Variants in PLCXD2 observed in about 807,000 individuals in gnomAD.
PLCXD2 encodes PI-PLC X domain-containing protein 2.
Under a neutral mutation model 28.6 loss-of-function variants are expected in PLCXD2, and 21 were observed. The observed-to-expected ratio is 0.73, with a 90% CI of 0.52 to 1.06. PLCXD2 has a LOEUF of 1.06. Ranked by LOEUF, PLCXD2 falls within the 50% of genes least tolerant of loss-of-function variation. The probability of loss-of-function intolerance (pLI) is 0.00; values close to 1 mark genes in which losing one functional copy is unlikely to be tolerated. For synonymous variants in PLCXD2, 140 were observed against 150.1 expected (o/e 0.93, Z 0.49); for missense variants, 369 against 376.7 (o/e 0.98, Z 0.17).
intron 1 of PLCXD2, among the ~76,000 whole-genome samples, chr3:111,693,272 A>G (rs1034348988): frequency 6.6e-6 from 1 of 152,154 alleles, no homozygotes; most frequent in Non-Finnish European, 1.5e-5. Flanking sequence ...AATAAGGCAA[A>G]TGCAGCACAA....
intron 1 of PLCXD2, among the ~76,000 whole-genome samples, chr3:111,697,810 TTCTG>T (rs1335992951): frequency 1.2e-4 from 18 of 146,046 alleles, no homozygotes; most frequent in African/African-American, 4.6e-4. Flanking sequence ...CCTCAGAATT[TTCTG>T]TCTTATACTT....
At chr3:111,717,582 T>C (rs1294338905) in intron 3 of PLCXD2, among the ~76,000 whole-genome samples, 1 of 152,194 alleles carries the variant, frequency 6.6e-6, no homozygotes, top group Non-Finnish European at 1.5e-5. Flanking sequence ...ACAGAACTCT[T>C]TGTCACTGGA....
At chr3:111,705,204 C>G (rs1238324768) in intron 1 of PLCXD2, among the ~76,000 whole-genome samples, 1 of 152,212 alleles carries the variant, frequency 6.6e-6, no homozygotes, top group African/African-American at 2.4e-5. Context: ...GTTCTACTCT[C>G]TATTTCTGTG....
At position 111,712,773 on chromosome 3, in the gene PLCXD2, G is replaced by A. The variant is rs139245152; in HGVS notation, c.625-1114G>A. On this transcript the variant is annotated intron_variant, in intron 2 of 4. Coordinates refer to ENST00000477665, the MANE Select transcript of PLCXD2 (RefSeq NM_001185106.1). ...ATGGCAGTCCAGGCCTCGTGAGCATGTGCAGGGCATTCCTCCAGGAAAAGA... is the reference window on the plus strand; with the variant it reads ...ATGGCAGTCCAGGCCTCGTGAGCATATGCAGGGCATTCCTCCAGGAAAAGA... 4.8e-3 allele frequency among the ~76,000 whole-genome samples: 732 copies of A among 152,340 alleles called. 4 individuals are homozygous for A. Among genetic ancestry groups the A allele is most frequent in the African/African-American group, 0.017 (707 of 41,576 alleles).
At position 111,679,296 on chromosome 3, in the gene PLCXD2, G is replaced by A. The variant is rs74475400; in HGVS notation, c.163+3888G>A. Among the ~76,000 whole-genome samples, 350 of 152,078 alleles carry A rather than the reference G, an allele frequency of 2.3e-3. 4 individuals are homozygous for A. The highest frequency in any genetic ancestry group is 8.0e-3 in the African/African-American group (332 of 41,456). On this transcript the variant is annotated intron_variant, in intron 1 of 4. Coordinates refer to ENST00000477665, the MANE Select transcript of PLCXD2 (RefSeq NM_001185106.1). ...AAGGAGGCTTTCCAGGTGGAATGGG[G>A]GTATATGGGAGTAAATGGGGGTATA...
chr3:111,703,305 C>T (rs1187231834), intron 1 of PLCXD2, among the ~76,000 whole-genome samples: 1 of 152,180 alleles, frequency 6.6e-6, no homozygotes, highest in Non-Finnish European at 1.5e-5. Flanking sequence ...AAAAGAGACT[C>T]TGTTCCTAGG....
chr3:111,700,845 C>T (rs1177177490), intron 1 of PLCXD2, among the ~76,000 whole-genome samples: 7 of 150,186 alleles, frequency 4.7e-5, no homozygotes, highest in East Asian at 3.9e-4. Context: ...TAGGGCGGGG[C>T]GGGGGGTCAG....
At chr3:111,723,201 G>C (rs1941369774) in intron 3 of PLCXD2, 1 of 152,172 alleles carries the variant, frequency 6.6e-6, no homozygotes, top group Admixed American at 6.5e-5. Flanking sequence ...AAGAGATAAG[G>C]AGGCAAGAGG....
At chr3:111,689,674 G>A (rs753457832) in intron 1 of PLCXD2, among the ~76,000 whole-genome samples, 16 of 152,128 alleles carry the variant, frequency 1.1e-4, no homozygotes, top group Non-Finnish European at 2.4e-4. Flanking sequence ...TTCAGAATAA[G>A]CACCTTATGA....
chr3:111,690,292 G>A (rs374832426), intron 1 of PLCXD2, among the ~76,000 whole-genome samples: 10 of 152,222 alleles, frequency 6.6e-5, no homozygotes, highest in African/African-American at 1.7e-4. Context: ...CTCCCATGTC[G>A]GGACTCTAAT....
intron 1 of PLCXD2, among the ~76,000 whole-genome samples, chr3:111,697,638 A>G (rs1940981136): frequency 6.6e-6 from 1 of 152,140 alleles, no homozygotes; most frequent in Non-Finnish European, 1.5e-5. Context: ...TTGGGAAGAC[A>G]TTACTGTTTT....
At chr3:111,712,466 T>G (rs1192647891) in intron 2 of PLCXD2, among the ~76,000 whole-genome samples, 2 of 152,158 alleles carry the variant, frequency 1.3e-5, no homozygotes, top group East Asian at 1.9e-4. Flanking sequence ...CCCCAGGCAA[T>G]CTGCTTATCA....
At chr3:111,706,813 A>C (rs1232591656) in intron 1 of PLCXD2, among the ~76,000 whole-genome samples, 1 of 42,218 alleles carries the variant, frequency 2.4e-5, no homozygotes, top group Non-Finnish European at 4.1e-5. Flanking sequence ...ACTTTAAGGC[A>C]AAAAAAAAAA....
rs1576451381 is a variant in PLCXD2, at chr3:111,678,000, A to G, written c.163+2592A>G. Among the ~76,000 whole-genome samples, 4 of 152,296 alleles carry G rather than the reference A, an allele frequency of 2.6e-5. No homozygotes were observed. The East Asian group carries it at 5.8e-4, about 22-fold the overall frequency. On this transcript the variant is annotated intron_variant, in intron 1 of 4. Transcript: ENST00000477665. ...GTGTGCGTGTGCGCCCACATGCCCA[A>G]TCTGGGGCATCTATAGGACTGGGTC...
chr3:111,716,306 G>C (rs1267500618), intron 3 of PLCXD2, among the ~76,000 whole-genome samples: 1 of 152,160 alleles, frequency 6.6e-6, no homozygotes, highest in Non-Finnish European at 1.5e-5. Context: ...CACCCAGAGG[G>C]TCTGTCCTAA....
chr3:111,724,209 C>T (rs1559800453), intron 3 of PLCXD2: 1 of 152,118 alleles, frequency 6.6e-6, no homozygotes. Context: ...AAATTAGTGG[C>T]AGACCTCCAA....
chr3:111,712,170 C>T (rs1941208081), intron 2 of PLCXD2, among the ~76,000 whole-genome samples: 1 of 152,174 alleles, frequency 6.6e-6, no homozygotes, highest in Non-Finnish European at 1.5e-5. Context: ...TCCCTGTAAC[C>T]TTTAGGGTCA....
At chr3:111,721,382 G>A (rs1339794708) in intron 3 of PLCXD2, 9 of 152,202 alleles carry the variant, frequency 5.9e-5, no homozygotes, top group African/African-American at 1.9e-4. Context: ...CCAAGCACCA[G>A]GTCTCTCTAG....
intron 1 of PLCXD2, among the ~76,000 whole-genome samples, chr3:111,706,125 T>C (rs1169633465): frequency 2.6e-5 from 4 of 152,202 alleles, no homozygotes; most frequent in Non-Finnish European, 5.9e-5. Context: ...TCCTGAAGTA[T>C]TGGGATCACA....
Sources: gnomAD v4.1 joint callset for allele counts (sites outside exome capture counted in the v4.1 genomes callset) on GRCh38, gnomAD v4.1.1 for gene constraint, MANE v1.5 for transcripts, NCBI Gene and HGNC (gene_info 2026-07-23, HGNC 2026-07-21) for gene names.